CASD1: variants seen among roughly 807,000 people sequenced by gnomAD.
The protein encoded by CASD1 is CAS1 domain sialic acid O acetyltransferase 1, also known as N-acetylneuraminate (7)9-O-acetyltransferase.
Under a neutral mutation model 100.0 loss-of-function variants are expected in CASD1, and 41 were observed. The observed-to-expected ratio is 0.41, with a 90% CI of 0.32 to 0.53. The LOEUF (loss-of-function observed/expected upper bound fraction) is 0.53, where lower values mean the gene tolerates loss of function less well. CASD1 is among the 20% of genes least tolerant of loss of function. The pLI, the probability that CASD1 is intolerant of heterozygous loss-of-function variation, is 0.25. For missense variants in CASD1, 774 were observed against 948.7 expected (o/e 0.82, Z 2.42); for synonymous variants, 321 against 315.6 (o/e 1.02, Z -0.18).
chr7:94,599,098 A>G, the CASD1 span: 16 of 642,362 alleles, frequency 2.5e-5, no homozygotes, highest in Non-Finnish European at 3.7e-5. Context: ...GCATTCAATA[A>G]ACTATTTCAG....
At chr7:94,585,138 A>T in the CASD1 span, 1 of 208,300 alleles carries the variant, frequency 4.8e-6, no homozygotes, top group Non-Finnish European at 9.7e-6. Context: ...TGGAATGAGA[A>T]TGAACACATA....
the CASD1 span, chr7:94,597,273 C>T: frequency 6.6e-6 from 1 of 152,100 alleles, no homozygotes; most frequent in Non-Finnish European, 1.5e-5. Flanking sequence ...TACACACATG[C>T]ACATAAACAG....
rs1163549579 is a variant in CASD1 at position 94,556,881 on chromosome 7, T to C, written c.*1123T>C. 1 of 152,092 alleles carries C rather than the reference T, an allele frequency of 6.6e-6. No individual in the cohort carries two copies. Among genetic ancestry groups the C allele is most frequent in the Non-Finnish European group, 1.5e-5 (1 of 67,934 alleles). The allele number at this position is 152,092 out of a possible 1,614,324, so 9.4% of individuals were successfully genotyped here. On this transcript the variant is annotated 3_prime_UTR_variant, in exon 18 of 18. Coordinates refer to ENST00000297273, the MANE Select transcript of CASD1 (RefSeq NM_022900.5). ...AAAGATTGCACTTGTTTGCTTTTAC[T>C]ATATGTGGGGTAAAATATATTTTCT...
chr7:94,597,812 G>A, the CASD1 span: 2 of 152,328 alleles, frequency 1.3e-5, no homozygotes, highest in Non-Finnish European at 2.9e-5. Flanking sequence ...TTCAAGACCA[G>A]CCTGGCCAAC....
rs975860737 is a variant in CASD1, at chr7:94,556,551, A to G, written c.*793A>G. 2.0e-5 allele frequency: 3 copies of G among 151,986 alleles called. No homozygotes were observed. Among genetic ancestry groups the G allele is most frequent in the African/African-American group, 7.2e-5 (3 of 41,414 alleles). 9.4% of individuals were successfully genotyped at this position (151,986 alleles called of 1,614,324 possible). The stretch of plus-strand genomic sequence containing the variant: ...CAGTTACCCTGTGGATCCATTTAAT[A>G]TGTTATCCCCACTAATTAATTTTCG... On this transcript the variant is annotated 3_prime_UTR_variant, in exon 18 of 18. Coordinates refer to ENST00000297273, the MANE Select transcript of CASD1 (RefSeq NM_022900.5).
At chr7:94,629,693 C>G in the CASD1 span, 7 of 1,607,954 alleles carry the variant, frequency 4.4e-6, no homozygotes, top group Non-Finnish European at 6.0e-6. Flanking sequence ...ACGTTAACTG[C>G]TTTTTTTTCC....
the CASD1 span, among the ~76,000 whole-genome samples, chr7:94,595,310 T>A: frequency 6.6e-6 from 1 of 152,176 alleles, no homozygotes; most frequent in Admixed American, 6.5e-5. Flanking sequence ...CAAACTAGTT[T>A]TATGCAGTTT....
the CASD1 span, chr7:94,588,034 C>T: frequency 7.3e-7 from 1 of 1,376,134 alleles, no homozygotes. Context: ...GCAATTAGAA[C>T]TAGGAATCAA....
intron 5 of CASD1, among the ~76,000 whole-genome samples, chr7:94,530,778 T>C (rs1794814201): frequency 6.6e-6 from 1 of 151,846 alleles, no homozygotes; most frequent in African/African-American, 2.4e-5. Flanking sequence ...AATTTAGAGA[T>C]TAAAGAGGAG....
downstream of CASD1, among the ~76,000 whole-genome samples, chr7:94,560,282 GT>G (rs1351453985): frequency 6.6e-6 from 1 of 152,158 alleles, no homozygotes; most frequent in African/African-American, 2.4e-5. Context: ...GTTATTTCTG[GT>G]GTTGAGAGAA....
chr7:94,587,257 G>A, the CASD1 span: 1 of 985,572 alleles, frequency 1.0e-6, no homozygotes, highest in Non-Finnish European at 1.2e-6. Context: ...AAATCTATGT[G>A]ACTACTAAAC....
chr7:94,512,322 G>A (rs1381082331), intron 1 of CASD1, among the ~76,000 whole-genome samples: 1 of 152,184 alleles, frequency 6.6e-6, no homozygotes, highest in African/African-American at 2.4e-5. Flanking sequence ...TGCATTCAAA[G>A]CCATCCTGGG....
At chr7:94,516,594 A>T (rs898714188) in intron 1 of CASD1, among the ~76,000 whole-genome samples, 1 of 152,108 alleles carries the variant, frequency 6.6e-6, no homozygotes, top group Non-Finnish European at 1.5e-5. Flanking sequence ...TTATATCCCC[A>T]TAGTTAACCT....
chr7:94,565,900 A>G, the CASD1 span, among the ~76,000 whole-genome samples: 10 of 152,328 alleles, frequency 6.6e-5, no homozygotes, highest in African/African-American at 9.6e-5. Flanking sequence ...TAGTCAGAGA[A>G]TTGGGTAAGA....
the CASD1 span, among the ~76,000 whole-genome samples, chr7:94,611,311 G>T: frequency 3.3e-5 from 5 of 152,218 alleles, no homozygotes; most frequent in South Asian, 8.3e-4. Context: ...ATTATTCCAT[G>T]ATTAAAAATG....
the CASD1 span, chr7:94,629,744 C>T: frequency 6.2e-7 from 1 of 1,611,058 alleles, no homozygotes; most frequent in Non-Finnish European, 8.5e-7. Context: ...GTGGAAATTC[C>T]CCCTTAAAAT....
rs373324361 is a variant in CASD1, at chr7:94,545,633, C to T, written c.1565C>T (p.Thr522Ile). 1.7e-5 allele frequency: 28 copies of T among 1,611,506 alleles called. No individual in the cohort carries two copies. The highest frequency in any genetic ancestry group is 2.4e-5 in the Non-Finnish European group (28 of 1,178,118). The change falls in exon 12 of 18, where the codon ACT (threonine) becomes ATT (isoleucine). Residue 522 changes from threonine (T) to isoleucine (I), a missense_variant. Thr to Ile is a moderately conservative substitution (Grantham distance 89, BLOSUM62 -1). Coordinates refer to ENST00000297273, the MANE Select transcript of CASD1 (RefSeq NM_022900.5). ...TTCTATTACTTTGTCCCCTTGGTCACTGTATGGTTCATGGTCATATATGTT... is the reference window on the plus strand; with the variant it reads ...TTCTATTACTTTGTCCCCTTGGTCATTGTATGGTTCATGGTCATATATGTT... ...YQFYYFVPLV[T>I]VWFMVIYVTL...
At chr7:94,572,338 C>A in the CASD1 span, among the ~76,000 whole-genome samples, 2 of 152,104 alleles carry the variant, frequency 1.3e-5, no homozygotes, top group African/African-American at 4.8e-5. Flanking sequence ...TCACTTTCAA[C>A]TTATTTGAGT....
At chr7:94,565,050 G>A in the CASD1 span, among the ~76,000 whole-genome samples, 4 of 151,898 alleles carry the variant, frequency 2.6e-5, no homozygotes, top group African/African-American at 9.7e-5. Context: ...ATGTTAAGTA[G>A]CACAGTAATT....
Sources: allele counts gnomAD v4.1 joint callset (sites outside exome capture counted in the v4.1 genomes callset), GRCh38; gene constraint gnomAD v4.1.1; transcripts MANE v1.5; gene names NCBI Gene and HGNC (gene_info 2026-07-23, HGNC 2026-07-21).